Variants in DLG2 observed in about 807,000 individuals in gnomAD.
The protein encoded by DLG2 is discs large MAGUK scaffold protein 2.
In DLG2, 45 loss-of-function variants were observed where a neutral mutation model predicts 132.5. The ratio of observed to expected loss-of-function variants is 0.34; its 90% confidence interval spans 0.27 to 0.44. The LOEUF (loss-of-function observed/expected upper bound fraction) is 0.44. Among genes scored for constraint, DLG2 ranks in the 20% least tolerant of loss-of-function variants. DLG2 has a pLI of 1.00. For synonymous variants in DLG2, 424 were observed against 419.6 expected, an observed-to-expected ratio of 1.01 and a Z score of -0.13; for missense variants, 1,045 against 1,196.9, an observed-to-expected ratio of 0.87 and a Z score of 1.87.
At chr11:84,356,014 G>A (rs976114925) in intron 7 of DLG2, among the ~76,000 whole-genome samples, 8 of 152,084 alleles carry the variant, frequency 5.3e-5, no homozygotes, top group African/African-American at 1.7e-4. Flanking sequence ...CAAATAGAAG[G>A]ATTAAGGGAG....
At chr11:84,682,840 C>T (rs1046722284) in intron 6 of DLG2, among the ~76,000 whole-genome samples, 1 of 152,154 alleles carries the variant, frequency 6.6e-6, no homozygotes. Flanking sequence ...CACCCTTCTT[C>T]TTGTAGGTCA....
chr11:85,029,721 C>T (rs1463949916), intron 6 of DLG2, among the ~76,000 whole-genome samples: 5 of 152,158 alleles, frequency 3.3e-5, no homozygotes, highest in African/African-American at 1.2e-4. Context: ...TGTAAACAGA[C>T]CATAGCCTAC....
chr11:83,916,017 C>T (rs1019590097), intron 15 of DLG2, among the ~76,000 whole-genome samples: 1 of 152,166 alleles, frequency 6.6e-6, no homozygotes, highest in African/African-American at 2.4e-5. Flanking sequence ...CGATTGTCTT[C>T]TTTTACTTGG....
At chr11:83,602,999 T>C (rs1279658387) in intron 19 of DLG2, among the ~76,000 whole-genome samples, 7 of 152,058 alleles carry the variant, frequency 4.6e-5, no homozygotes, top group Admixed American at 4.6e-4. Context: ...TTTTTTGTTT[T>C]AGGGATAAAA....
intron 6 of DLG2, among the ~76,000 whole-genome samples, chr11:84,571,612 T>C (rs541098596): frequency 2.0e-5 from 3 of 152,230 alleles, no homozygotes; most frequent in East Asian, 3.9e-4. Context: ...ACATTCTTAG[T>C]GCCTTTTCCC....
chr11:84,453,537 A>T (rs770604855), intron 7 of DLG2, among the ~76,000 whole-genome samples: 1 of 151,656 alleles, frequency 6.6e-6, no homozygotes, highest in African/African-American at 2.4e-5. Context: ...GGTTCCAACA[A>T]GTATTTCAGG....
chr11:85,533,947 C>T (rs1224726371), intron 3 of DLG2, among the ~76,000 whole-genome samples: 1 of 152,144 alleles, frequency 6.6e-6, no homozygotes, highest in Non-Finnish European at 1.5e-5. Flanking sequence ...TTTAATAGAA[C>T]AATATATGCC....
At chr11:84,622,484 C>T (rs1281565221) in intron 6 of DLG2, among the ~76,000 whole-genome samples, 1 of 152,148 alleles carries the variant, frequency 6.6e-6, no homozygotes, top group Admixed American at 6.5e-5. Flanking sequence ...CCACAGTGGA[C>T]TGAAAACTTC....
intron 3 of DLG2, among the ~76,000 whole-genome samples, chr11:85,548,938 G>T (rs1401654785): frequency 6.6e-6 from 1 of 152,046 alleles, no homozygotes; most frequent in African/African-American, 2.4e-5. Flanking sequence ...CGTGGGGGTG[G>T]GACTGCCAAG....
In DLG2 at chr11:84,791,404, C is replaced by G. The variant is rs185228551; in HGVS notation, c.358-256673G>C. On this transcript the variant is annotated intron_variant, in intron 6 of 27. Transcript: ENST00000376104. ...ATTCCTCCAGTTTTGTTCTTTTGCT[C>G]AGAATAGTTTTGGCTATTCAGGTCT... 2.6e-4 allele frequency among the ~76,000 whole-genome samples: 39 copies of G among 152,186 alleles called. No individual in the cohort carries two copies. The East Asian group carries it at 7.3e-3, about 29-fold the overall frequency.
chr11:85,598,754 G>C lies in DLG2; in HGVS notation c.-58C>G. 1 of 1,450,054 alleles carries C rather than the reference G, an allele frequency of 6.9e-7. No individual in the cohort carries two copies. The highest frequency in any genetic ancestry group is 9.4e-7 in the Non-Finnish European group (1 of 1,067,638). The allele number at this position is 1,450,054 out of a possible 1,614,324, so 89.8% of individuals were successfully genotyped here. A position where few individuals can be genotyped will look rare whatever the true frequency, so the allele number is the denominator to read the frequency against. On this transcript the variant is annotated 5_prime_UTR_variant, in exon 3 of 28. Coordinates refer to ENST00000376104, the MANE Select transcript of DLG2 (RefSeq NM_001142699.3). ...CCTCTGGTTTCCTTAATTTTTTGCAGTATTCTTCCAGTAATGATAAAGCTC... is the reference window on the plus strand; with the variant it reads ...CCTCTGGTTTCCTTAATTTTTTGCACTATTCTTCCAGTAATGATAAAGCTC...
chr11:84,515,500 A>G (rs1031853022), intron 7 of DLG2, among the ~76,000 whole-genome samples: 2 of 151,960 alleles, frequency 1.3e-5, no homozygotes, highest in Non-Finnish European at 2.9e-5. Context: ...AAAGGTTATT[A>G]TATAATGATA....
At chr11:85,320,967 C>A (rs1287789321) in intron 3 of DLG2, among the ~76,000 whole-genome samples, 1 of 151,366 alleles carries the variant, frequency 6.6e-6, no homozygotes. Flanking sequence ...TATGATCTAA[C>A]TTCCATTTTA....
intron 7 of DLG2, among the ~76,000 whole-genome samples, chr11:84,458,865 A>T (rs558158625): frequency 7.3e-4 from 110 of 150,756 alleles, no homozygotes; most frequent in Non-Finnish European, 1.4e-3. Flanking sequence ...ATATTTATTG[A>T]GTGAATACTT....
At chr11:83,720,406 A>G (rs181360329) in intron 18 of DLG2, among the ~76,000 whole-genome samples, 25 of 151,100 alleles carry the variant, frequency 1.7e-4, no homozygotes, top group African/African-American at 5.1e-4. Flanking sequence ...TCCACTACAA[A>G]AGGTACTCCA....
At chr11:84,031,875 AT>A (rs910124203) in intron 11 of DLG2, among the ~76,000 whole-genome samples, 1 of 151,912 alleles carries the variant, frequency 6.6e-6, no homozygotes, top group Non-Finnish European at 1.5e-5. Flanking sequence ...CGTGTGTCAC[AT>A]TTTTTTTGGT....
intron 19 of DLG2, among the ~76,000 whole-genome samples, chr11:83,586,761 T>C (rs2097093387): frequency 6.6e-6 from 1 of 152,226 alleles, no homozygotes; most frequent in African/African-American, 2.4e-5. Context: ...TGCGTAAGTT[T>C]TCACAGCTAG....
intron 6 of DLG2, among the ~76,000 whole-genome samples, chr11:84,588,295 T>G (rs1206470000): frequency 1.3e-5 from 2 of 152,268 alleles, no homozygotes; most frequent in Middle Eastern, 3.4e-3. Flanking sequence ...CCTACTAATC[T>G]TCCAAAAACT....
intron 3 of DLG2, among the ~76,000 whole-genome samples, chr11:85,525,857 A>G (rs1231299016): frequency 6.6e-6 from 1 of 152,190 alleles, no homozygotes; most frequent in Non-Finnish European, 1.5e-5. Flanking sequence ...AAGGACAGAG[A>G]CTAGACAGGA....
Sources: gnomAD v4.1 joint callset for allele counts (sites outside exome capture counted in the v4.1 genomes callset) on GRCh38, gnomAD v4.1.1 for gene constraint, MANE v1.5 for transcripts, NCBI Gene and HGNC (gene_info 2026-07-23, HGNC 2026-07-21) for gene names.